Variants in HIVEP3 observed in about 807,000 individuals in gnomAD.
HIVEP3 encodes HIVEP zinc finger 3, also known as transcription factor HIVEP3.
A neutral mutation model predicts 152.8 loss-of-function variants in HIVEP3; 49 were observed. The ratio of observed to expected loss-of-function variants is 0.32; its 90% CI spans 0.26 to 0.41. The LOEUF is 0.41. HIVEP3 is among the 10% of genes least tolerant of loss of function. HIVEP3 has a pLI of 1.00. For missense variants in HIVEP3, 2,790 were observed against 3,103.3 expected, an observed-to-expected ratio of 0.90 and a Z score of 2.40; for synonymous variants, 1,269 against 1,289.0, an observed-to-expected ratio of 0.98 and a Z score of 0.33.
intron 2 of HIVEP3, among the ~76,000 whole-genome samples, chr1:41,699,741 CT>C (rs1029393482): frequency 6.6e-6 from 1 of 152,102 alleles, no homozygotes; most frequent in Admixed American, 6.5e-5. Context: ...CCCTGGGCCC[CT>C]ATTGAGGTTC....
chr1:41,861,932 G>C (rs1455482099), intron 1 of HIVEP3, among the ~76,000 whole-genome samples: 1 of 152,156 alleles, frequency 6.6e-6, no homozygotes, highest in Non-Finnish European at 1.5e-5. Context: ...GGGAGAGAAA[G>C]AAATAGATCT....
intron 2 of HIVEP3, among the ~76,000 whole-genome samples, chr1:41,651,839 G>T (rs1031032463): frequency 1.3e-5 from 2 of 151,928 alleles, no homozygotes; most frequent in African/African-American, 4.8e-5. Context: ...ACAATCTTTG[G>T]TTTTTTAGTG....
intron 1 of HIVEP3, among the ~76,000 whole-genome samples, chr1:41,794,936 T>C (rs1649901099): frequency 6.6e-6 from 1 of 152,206 alleles, no homozygotes; most frequent in Non-Finnish European, 1.5e-5. Flanking sequence ...GAAATTTATT[T>C]ATTTATTTAG....
chr1:41,614,954 C>G (rs1644946659), intron 3 of HIVEP3, among the ~76,000 whole-genome samples: 1 of 152,208 alleles, frequency 6.6e-6, no homozygotes, highest in East Asian at 1.9e-4. Context: ...ACTTCCGGGG[C>G]TCTGACATCC....
intron 1 of HIVEP3, among the ~76,000 whole-genome samples, chr1:41,754,644 C>T (rs1161159646): frequency 2.0e-5 from 3 of 152,056 alleles, no homozygotes; most frequent in Non-Finnish European, 2.9e-5. Context: ...CAGCAGGGGT[C>T]GCCACACAAA....
Position 41,766,986 on chromosome 1 carries a change from G to A in HIVEP3, c.-800-65991C>T, listed in dbSNP as rs1016023198. 7.9e-5 allele frequency among the ~76,000 whole-genome samples: 12 copies of A among 152,230 alleles called. No individual in the cohort carries two copies. The East Asian group carries it at 1.2e-3, about 15-fold the overall frequency. On this transcript the variant is annotated intron_variant, in intron 1 of 8. Transcript: ENST00000372583. ...CCCAATGGATACTCTACACCAACCC[G>A]CACTAGACTACAGCTTTGGCAGCTG... is the stretch of plus-strand genomic sequence containing the variant.
At chr1:41,886,667 G>A (rs932067630) in intron 1 of HIVEP3, among the ~76,000 whole-genome samples, 3 of 137,096 alleles carry the variant, frequency 2.2e-5, no homozygotes, top group Non-Finnish European at 3.0e-5. Context: ...AGCTGAGATC[G>A]CGCCATTGCA....
intron 1 of HIVEP3, among the ~76,000 whole-genome samples, chr1:41,757,397 G>A (rs528274899): frequency 1.3e-4 from 20 of 151,980 alleles, no homozygotes; most frequent in African/African-American, 4.1e-4. Flanking sequence ...GATTACAGGC[G>A]TGAGCCACCG....
At position 41,679,507 on chromosome 1, in the gene HIVEP3, A is replaced by C. The variant is rs148250811; in HGVS notation, c.-721+21409T>G. On this transcript the variant is annotated intron_variant, in intron 2 of 8. Coordinates refer to ENST00000372583, the MANE Select transcript of HIVEP3 (RefSeq NM_024503.5). ...TGCTAGTCCCTCCCTAGCCTCACTC[A>C]GTGGTCCAGAGACCAGTTGCATGCA... Among the ~76,000 whole-genome samples the C allele has an allele frequency of 3.9e-5, 6 of 152,336 alleles. No individual in the cohort carries two copies. In the East Asian group the frequency reaches 1.2e-3, roughly 29 times the overall value.
intron 2 of HIVEP3, among the ~76,000 whole-genome samples, chr1:41,677,326 G>A (rs571296410): frequency 5.9e-5 from 9 of 152,318 alleles, no homozygotes; most frequent in Admixed American, 4.6e-4. Context: ...AGCCTATGTC[G>A]TAAGAGAGAA....
intron 1 of HIVEP3, among the ~76,000 whole-genome samples, chr1:41,884,142 T>C (rs1374769413): frequency 1.3e-5 from 2 of 152,112 alleles, no homozygotes; most frequent in East Asian, 3.8e-4. Flanking sequence ...ACTTTTGTAT[T>C]TTTAGTAGAG....
At chr1:41,631,575 G>A (rs1406066604) in intron 2 of HIVEP3, among the ~76,000 whole-genome samples, 4 of 152,196 alleles carry the variant, frequency 2.6e-5, no homozygotes, top group Middle Eastern at 3.4e-3. Context: ...TTCCTACAGA[G>A]CATACAGGTC....
At chr1:41,540,739 G>C (rs931265565) in intron 5 of HIVEP3, among the ~76,000 whole-genome samples, 2 of 152,152 alleles carry the variant, frequency 1.3e-5, no homozygotes, top group African/African-American at 2.4e-5. Flanking sequence ...AGGAAGATCC[G>C]GGCTCCCTTT....
In HIVEP3 at chr1:41,580,274, G is replaced by A. The variant is rs776841347; in HGVS notation, c.4524C>T (p.Asp1508=). The change falls in exon 4 of 9, where the codon GAC becomes GAT. Residue 1508 remains aspartate, a synonymous_variant. Transcript: ENST00000372583. ...MLSSLSSDPS[D]TKEIPPLPHP... Reference sequence around the variant, plus strand: ...GAGGGAGGGGAGGAATTTCCTTTGTGTCAGATGGATCTGAGGACAGGCTGG... The same window carrying A: ...GAGGGAGGGGAGGAATTTCCTTTGTATCAGATGGATCTGAGGACAGGCTGG... The A allele has an allele frequency of 6.2e-6, 10 of 1,614,002 alleles. No individual in the cohort carries two copies. The highest frequency in any genetic ancestry group is 1.1e-5 in the South Asian group (1 of 91,080).
intron 1 of HIVEP3, among the ~76,000 whole-genome samples, chr1:41,795,310 CTTA>C (rs1649921218): frequency 6.6e-6 from 1 of 152,060 alleles, no homozygotes. Context: ...TTGGATTTGT[CTTA>C]TGTTTTCTCG....
chr1:41,888,808 C>T (rs1367134386), intron 1 of HIVEP3, among the ~76,000 whole-genome samples: 4 of 140,854 alleles, frequency 2.8e-5, no homozygotes, highest in African/African-American at 8.0e-5. Context: ...AACACACACA[C>T]ACCACATACC....
chr1:42,020,333 ATTTG>A (rs971524145), intron 1 of HIVEP3, among the ~76,000 whole-genome samples: 5 of 152,020 alleles, frequency 3.3e-5, no homozygotes. Context: ...CAGAAAATTT[ATTTG>A]TTTGTCTGCT....
chr1:41,580,328 G>C lies in HIVEP3; in HGVS notation c.4470C>G (p.Gly1490=), dbSNP rs1406085492. The C allele has an allele frequency of 6.2e-7, 1 of 1,614,184 alleles. No homozygotes were observed. The change falls in exon 4 of 9, where the codon GGC becomes GGG. Residue 1490 remains glycine (G), a synonymous_variant. Coordinates refer to ENST00000372583, the MANE Select transcript of HIVEP3 (RefSeq NM_024503.5). ...RPEKSHLGNQ[G]QGRRELEMLS... ...GCATTTCTAGCTCCCTCCTGCCTTG[G>C]CCCTGGTTGCCTAAGTGGGATTTCT...
At chr1:41,641,557 C>CT (rs1286566281) in intron 2 of HIVEP3, among the ~76,000 whole-genome samples, 2 of 152,230 alleles carry the variant, frequency 1.3e-5, no homozygotes, top group Non-Finnish European at 2.9e-5. Context: ...GGTGTTCTTC[C>CT]TTTTTTTGGA....
Sources: gnomAD v4.1 joint callset for allele counts (sites outside exome capture counted in the v4.1 genomes callset) on GRCh38, gnomAD v4.1.1 for gene constraint, MANE v1.5 for transcripts, NCBI Gene and HGNC (gene_info 2026-07-23, HGNC 2026-07-21) for gene names.